Variants in SEMA4F observed in about 807,000 individuals in gnomAD.
SEMA4F encodes the protein semaphorin-4F.
Under a neutral mutation model 78.4 loss-of-function variants are expected in SEMA4F, and 51 were observed. The ratio of observed to expected loss-of-function variants is 0.65; its 90% confidence interval spans 0.52 to 0.82. The LOEUF (loss-of-function observed/expected upper bound fraction) is 0.82, where lower values mean the gene tolerates loss of function less well. SEMA4F is among the 40% of genes least tolerant of loss of function. The pLI is 0.00. For synonymous variants in SEMA4F, 418 were observed against 408.7 expected, an observed-to-expected ratio of 1.02 and a Z score of -0.27; for missense variants, 938 against 1,014.4, an observed-to-expected ratio of 0.92 and a Z score of 1.02.
At chr2:74,670,148 A>G (rs1278372881) in intron 5 of SEMA4F, among the ~76,000 whole-genome samples, 1 of 152,174 alleles carries the variant, frequency 6.6e-6, no homozygotes, top group African/African-American at 2.4e-5. Context: ...AAACAGTTGT[A>G]TGGTCAGTGT....
the SEMA4F span, among the ~76,000 whole-genome samples, chr2:74,692,559 G>T: frequency 1.3e-5 from 2 of 152,218 alleles, no homozygotes. Context: ...TGTTGGATGT[G>T]TGGCAAGGAG....
At chr2:74,660,422 G>T (rs1684367060) in intron 4 of SEMA4F, among the ~76,000 whole-genome samples, 1 of 152,174 alleles carries the variant, frequency 6.6e-6, no homozygotes, top group Non-Finnish European at 1.5e-5. Flanking sequence ...TAGCCACCTG[G>T]GAAAGGTCCT....
the SEMA4F span, among the ~76,000 whole-genome samples, chr2:74,707,108 T>C: frequency 6.6e-6 from 1 of 152,232 alleles, no homozygotes; most frequent in African/African-American, 2.4e-5. Flanking sequence ...GATCCTAGAT[T>C]GGATTCTGGG....
intron 5 of SEMA4F, among the ~76,000 whole-genome samples, chr2:74,669,612 C>CAACAAA (rs1684875092): frequency 1.3e-5 from 2 of 150,224 alleles, no homozygotes; most frequent in South Asian, 4.2e-4. Flanking sequence ...ACAACAACAA[C>CAACAAA]AACAAAAACA....
In SEMA4F at chr2:74,656,526, C is replaced by T. The variant is rs1684145240; in HGVS notation, c.146-8C>T. 1 of 1,612,628 alleles carries T rather than the reference C, an allele frequency of 6.2e-7. No individual in the cohort carries two copies. Among genetic ancestry groups the T allele is most frequent in the African/African-American group, 1.3e-5 (1 of 74,892 alleles). On this transcript the variant is annotated splice_polypyrimidine_tract_variant and splice_region_variant and intron_variant, in intron 1 of 13. Coordinates refer to ENST00000357877, the MANE Select transcript of SEMA4F (RefSeq NM_004263.5). ...ATGGCTAACATCACTCTCCTCTCTT[C>T]CTGCCAGAGGCTGACTCCTGTCTCA...
Position 74,654,500 on chromosome 2 carries a change from A to C in SEMA4F, c.124A>C (p.Arg42=). The change falls in exon 1 of 14, where the codon AGA becomes CGA. Residue 42 remains arginine, a synonymous_variant. Coordinates refer to ENST00000357877, the MANE Select transcript of SEMA4F (RefSeq NM_004263.5). ...CGGCCGCGTCCCCCGCTCGGTGCCC[A>C]GAACCTCGCTTCCAATCTCTGGTAA... ...VSGRVPRSVP[R]TSLPISEADS... is the part of the protein sequence containing the mutation. 1 of 1,551,062 alleles carries C rather than the reference A, an allele frequency of 6.4e-7. No individual in the cohort carries two copies. The highest frequency in any genetic ancestry group is 8.7e-7 in the Non-Finnish European group (1 of 1,151,220).
At chr2:74,692,496 T>G in the SEMA4F span, among the ~76,000 whole-genome samples, 1 of 152,162 alleles carries the variant, frequency 6.6e-6, no homozygotes, top group Non-Finnish European at 1.5e-5. Flanking sequence ...ATTTGGAGGC[T>G]TCAGACTGCC....
rs1470474428 is a variant in SEMA4F, at chr2:74,675,147, C to G, written c.1150-15C>G. ...TTCCTGGGAAACTTTGTCACCAGCC[C>G]TGTATTTCCTCTAGTGCATCACCAA... On this transcript the variant is annotated splice_polypyrimidine_tract_variant and intron_variant, in intron 9 of 13. Coordinates refer to ENST00000357877, the MANE Select transcript of SEMA4F (RefSeq NM_004263.5). 4 of 1,614,068 alleles carry G rather than the reference C, an allele frequency of 2.5e-6. No individual in the cohort carries two copies. The highest frequency in any genetic ancestry group is 1.1e-5 in the South Asian group (1 of 91,080).
chr2:74,679,833 G>A lies in SEMA4F; in HGVS notation c.1937G>A (p.Trp646Ter), dbSNP rs764682685. ...AHVVAAYSLV[W>*]GSQRDAPSRA... ...GTGGTAGCAGCTTACAGCTTGGTATGGGGCAGCCAGCGAGATGCTCCGAGC... is the reference window on the plus strand; with the variant it reads ...GTGGTAGCAGCTTACAGCTTGGTATAGGGCAGCCAGCGAGATGCTCCGAGC... The change falls in exon 14 of 14, where the codon TGG (tryptophan) becomes TAG (stop). Residue 646 changes from tryptophan to a stop codon, truncating the protein, a stop_gained. Coordinates refer to ENST00000357877, the MANE Select transcript of SEMA4F (RefSeq NM_004263.5). LOFTEE classifies it high-confidence loss of function. The A allele has an allele frequency of 6.2e-6, 10 of 1,614,196 alleles. No individual in the cohort carries two copies. The highest frequency in any genetic ancestry group is 8.5e-6 in the Non-Finnish European group (10 of 1,180,016).
At chr2:74,655,660 G>A (rs1467177789) in intron 1 of SEMA4F, among the ~76,000 whole-genome samples, 2 of 152,216 alleles carry the variant, frequency 1.3e-5, no homozygotes, top group African/African-American at 2.4e-5. Flanking sequence ...CTGGGTTGAT[G>A]TCCAGGCATC....
rs1307214641 is a variant in SEMA4F, at chr2:74,679,635, C to T, written c.1739C>T (p.Ala580Val). Residue 580 changes from alanine (A) to valine (V), a missense_variant, in exon 14 of 14, where the codon GCT becomes GTT. Physicochemically the swap from Ala to Val is moderately conservative, Grantham distance 64. Transcript: ENST00000357877. Reference sequence around the variant, plus strand: ...GTGTTTGAAGTTCCCGTGGCTACAGCTGCGCATGTGGTCTTGCCATGTTCT... The same window carrying T: ...GTGTTTGAAGTTCCCGTGGCTACAGTTGCGCATGTGGTCTTGCCATGTTCT... ...PVVFEVPVAT[A>V]AHVVLPCSPS... The T allele has an allele frequency of 3.7e-6, 6 of 1,609,156 alleles. No individual in the cohort carries two copies. The South Asian group carries it at 4.4e-5, about 12-fold the overall frequency.
chr2:74,688,060 G>C (rs941897863), downstream of SEMA4F, among the ~76,000 whole-genome samples: 3 of 152,140 alleles, frequency 2.0e-5, no homozygotes, highest in Non-Finnish European at 2.9e-5. Flanking sequence ...ATCTCAGAAA[G>C]ACTGGTGGTG....
chr2:74,658,509 A>G lies in SEMA4F; in HGVS notation c.456+558A>G, dbSNP rs140989882. On this transcript the variant is annotated intron_variant, in intron 4 of 13. Coordinates refer to ENST00000357877, the MANE Select transcript of SEMA4F (RefSeq NM_004263.5). This position sits in a 1 kb window ranked among gnomAD's most constrained non-coding sequence, Gnocchi z 4.3. ...AATATCTGCTGGCCCCATATTCTGGATCTTGCCTTCAGGGCGGGCACTCTG... is the reference window on the plus strand; with the variant it reads ...AATATCTGCTGGCCCCATATTCTGGGTCTTGCCTTCAGGGCGGGCACTCTG... 2.2e-3 allele frequency among the ~76,000 whole-genome samples: 338 copies of G among 152,266 alleles called. 2 individuals are homozygous for G. The highest frequency in any genetic ancestry group is 6.8e-3 in the Middle Eastern group (2 of 294).
In SEMA4F at chr2:74,658,205, TG is replaced by T. The variant is rs1169291772; in HGVS notation, c.456+257del. ...ATACAAAGTGTGAAGAGAGACATAG[TG>T]GGATAGTTAAGGAAGTTAGGGATGC... is the stretch of plus-strand genomic sequence containing the variant. On this transcript the variant is annotated intron_variant, in intron 4 of 13. Transcript: ENST00000357877. The surrounding 1 kb of genome is among the most constrained non-coding windows in gnomAD (Gnocchi z 4.3). Among the ~76,000 whole-genome samples, 1 of 152,078 alleles carries T rather than the reference TG, an allele frequency of 6.6e-6. No individual in the cohort carries two copies. Among genetic ancestry groups the T allele is most frequent in the Non-Finnish European group, 1.5e-5 (1 of 68,026 alleles).
Position 74,656,594 on chromosome 2 carries a change from T to A in SEMA4F, c.206T>A (p.Leu69His), listed in dbSNP as rs1300984822. The A allele has an allele frequency of 1.2e-6, 2 of 1,614,060 alleles. No homozygotes were observed. The highest frequency in any genetic ancestry group is 2.7e-5 in the African/African-American group (2 of 74,924). ...CACACATACAATTACTCTGTTCTCC[T>A]TGTGGATCCTGCCTCCCACACACTT... ...VPHTYNYSVLLVDPASHTLYV... is the reference protein window; with the variant it reads ...VPHTYNYSVLHVDPASHTLYV... The change falls in exon 2 of 14, where the codon CTT (leucine) becomes CAT (histidine). Residue 69 changes from leucine to histidine, a missense_variant. By Grantham distance (99) the Leu-to-His change is moderately conservative. Coordinates refer to ENST00000357877, the MANE Select transcript of SEMA4F (RefSeq NM_004263.5).
chr2:74,688,828 G>A (rs1685869041), downstream of SEMA4F, among the ~76,000 whole-genome samples: 1 of 152,134 alleles, frequency 6.6e-6, no homozygotes, highest in Non-Finnish European at 1.5e-5. Flanking sequence ...TTCTTACATA[G>A]AAAATCTATA....
At chr2:74,657,818 G>A in intron 3 of SEMA4F, 35 bp from the exon 4 acceptor site, 2 of 1,590,514 alleles carry the variant, frequency 1.3e-6, no homozygotes, top group South Asian at 1.1e-5. Context: ...CGTACCTGCT[G>A]CTTCTGATTC....
chr2:74,660,434 C>T (rs1222208152), intron 4 of SEMA4F, among the ~76,000 whole-genome samples: 1 of 152,236 alleles, frequency 6.6e-6, no homozygotes, highest in Non-Finnish European at 1.5e-5. Flanking sequence ...AAAGGTCCTT[C>T]CTATGCCTTA....
At chr2:74,705,762 G>A in the SEMA4F span, among the ~76,000 whole-genome samples, 591 of 151,890 alleles carry the variant, frequency 3.9e-3, 1 homozygote, top group Non-Finnish European at 6.5e-3. Flanking sequence ...ATGGGATCTT[G>A]CTATTATTGT....
Sources: allele counts gnomAD v4.1 joint callset (sites outside exome capture counted in the v4.1 genomes callset), GRCh38; gene constraint gnomAD v4.1.1; non-coding constraint Gnocchi (gnomAD v3.1); transcripts MANE v1.5; gene names NCBI Gene and HGNC (gene_info 2026-07-23, HGNC 2026-07-21).